The following RPTOR variants were observed in gnomAD, a reference collection of about 807,000 sequenced individuals.
RPTOR encodes the protein regulatory associated protein of MTOR complex 1, also known as regulatory-associated protein of mTOR.
RPTOR carries 21 observed loss-of-function variants against 169.9 expected under a neutral mutation model. The ratio of observed to expected loss-of-function variants is 0.12; its 90% confidence interval spans 0.09 to 0.18. RPTOR has a LOEUF of 0.18. Ranked by LOEUF, RPTOR falls within the 10% of genes least tolerant of loss-of-function variation. The probability of loss-of-function intolerance (pLI) is 1.00; values close to 1 mark genes in which losing one functional copy is unlikely to be tolerated. For synonymous variants in RPTOR, 732 were observed against 753.2 expected, an observed-to-expected ratio of 0.97 and a Z score of 0.46; for missense variants, 1,133 against 1,855.9, an observed-to-expected ratio of 0.61 and a Z score of 7.16.
intron 3 of RPTOR, among the ~76,000 whole-genome samples, chr17:80,665,403 C>A (rs1244787269): frequency 0.015 from 117 of 7,658 alleles, 5 homozygotes; most frequent in Middle Eastern, 0.042. Flanking sequence ...CTTTCCTTTC[C>A]TTTCCTTTCC....
chr17:80,794,694 G>A (rs77248809), intron 7 of RPTOR, among the ~76,000 whole-genome samples: 2 of 152,206 alleles, frequency 1.3e-5, no homozygotes, highest in East Asian at 3.8e-4. Flanking sequence ...TCAGACTGTG[G>A]TGCATCCGTA....
intron 5 of RPTOR, among the ~76,000 whole-genome samples, chr17:80,749,349 C>A (rs1445722869): frequency 1.9e-5 from 1 of 53,804 alleles, no homozygotes; most frequent in Admixed American, 1.8e-4. Context: ...GAGGCCGTGG[C>A]GGGAGGACCT....
At chr17:80,864,960 C>T (rs555779323) in intron 13 of RPTOR, among the ~76,000 whole-genome samples, 3 of 152,204 alleles carry the variant, frequency 2.0e-5, no homozygotes, top group South Asian at 2.1e-4. Context: ...CCCGAGTAGC[C>T]GGGATCACGG....
At chr17:80,914,816 G>A (rs1244375686) in intron 21 of RPTOR, among the ~76,000 whole-genome samples, 4 of 152,260 alleles carry the variant, frequency 2.6e-5, no homozygotes, top group Non-Finnish European at 2.9e-5. Flanking sequence ...ATGATGGCAG[G>A]AGGCAGACAG....
chr17:80,946,682 CTG>C (rs1280663556), intron 26 of RPTOR, among the ~76,000 whole-genome samples: 1 of 152,266 alleles, frequency 6.6e-6, no homozygotes, highest in Non-Finnish European at 1.5e-5. Flanking sequence ...TAATATTCCA[CTG>C]TGTGGATGGA....
chr17:80,832,561 G>T (rs1021754198), intron 9 of RPTOR, among the ~76,000 whole-genome samples: 16 of 152,198 alleles, frequency 1.1e-4, no homozygotes, highest in African/African-American at 3.1e-4. Flanking sequence ...AGTGAGGAGT[G>T]GTTTCAGACG....
chr17:80,953,334 A>G (rs1459403828), intron 28 of RPTOR, among the ~76,000 whole-genome samples: 2 of 152,230 alleles, frequency 1.3e-5, no homozygotes, highest in Non-Finnish European at 2.9e-5. Flanking sequence ...CAGTGGCACC[A>G]TCACGGCTCA....
intron 6 of RPTOR, among the ~76,000 whole-genome samples, chr17:80,784,769 G>T (rs1006978448): frequency 6.6e-6 from 1 of 151,526 alleles, no homozygotes; most frequent in African/African-American, 2.4e-5. Context: ...CGCAATCTCG[G>T]CTCACTGCAA....
intron 2 of RPTOR, among the ~76,000 whole-genome samples, chr17:80,632,224 C>T (rs1230144776): frequency 6.6e-6 from 1 of 152,222 alleles, no homozygotes; most frequent in Non-Finnish European, 1.5e-5. Context: ...TCATCCGTCC[C>T]TCGTCACAGC....
chr17:80,738,413 C>T (rs776601801), intron 5 of RPTOR, among the ~76,000 whole-genome samples: 1 of 152,180 alleles, frequency 6.6e-6, no homozygotes, highest in African/African-American at 2.4e-5. Context: ...TTTGTTGGCA[C>T]CTTTCGTAAC....
chr17:80,894,206 C>T (rs1204759970), intron 20 of RPTOR, among the ~76,000 whole-genome samples: 2 of 152,124 alleles, frequency 1.3e-5, no homozygotes, highest in South Asian at 2.1e-4. Context: ...TGATGCAGAA[C>T]GGTGGTTCTC....
intron 3 of RPTOR, among the ~76,000 whole-genome samples, chr17:80,697,642 G>A (rs928400338): frequency 6.6e-6 from 1 of 152,228 alleles, no homozygotes; most frequent in Admixed American, 6.5e-5. Context: ...GGGCCAAGGA[G>A]CCACCTTGTG....
intron 9 of RPTOR, among the ~76,000 whole-genome samples, chr17:80,837,235 G>C (rs1300335542): frequency 7.2e-5 from 11 of 152,146 alleles, no homozygotes; most frequent in South Asian, 4.1e-4. Flanking sequence ...CTGTGGCTTG[G>C]GGGGAGCAGC....
intron 3 of RPTOR, among the ~76,000 whole-genome samples, chr17:80,669,955 A>G (rs1441507441): frequency 1.3e-5 from 2 of 152,250 alleles, no homozygotes; most frequent in African/African-American, 4.8e-5. Context: ...TATTTGAGAC[A>G]GTCTACAACA....
In RPTOR at chr17:80,722,338, A is replaced by G. The variant is rs189646617; in HGVS notation, c.508-8222A>G. On this transcript the variant is annotated intron_variant, in intron 4 of 33. Coordinates refer to ENST00000306801, the MANE Select transcript of RPTOR (RefSeq NM_020761.3). ...GCAGCTGAACATTTTTGGGACTTCA[A>G]TGTTTAGGCAGTATTTAAAACCAGG... Among the ~76,000 whole-genome samples, 456 of 151,288 alleles carry G rather than the reference A, an allele frequency of 3.0e-3. 35 individuals carry two copies. Among genetic ancestry groups the G allele is most frequent in the African/African-American group, 0.011 (436 of 40,584 alleles).
intron 33 of RPTOR, 72 bp from the exon 34 acceptor site, chr17:80,964,190 C>T: frequency 8.6e-7 from 1 of 1,168,492 alleles, no homozygotes; most frequent in South Asian, 1.2e-5. Flanking sequence ...TGCGGGTTGG[C>T]CTGCGCCCCC....
intron 5 of RPTOR, among the ~76,000 whole-genome samples, chr17:80,749,412 TTGGG>T (rs2066609699): frequency 1.5e-5 from 1 of 65,834 alleles, no homozygotes; most frequent in African/African-American, 5.6e-5. Flanking sequence ...GGAGGACCTG[TTGGG>T]TGGATGGAGG....
At chr17:80,778,178 G>A (rs539360509) in intron 6 of RPTOR, among the ~76,000 whole-genome samples, 30 of 152,228 alleles carry the variant, frequency 2.0e-4, no homozygotes, top group Non-Finnish European at 3.1e-4. Context: ...TTTCTGTGCC[G>A]CAAGGTGCTA....
chr17:80,804,019 T>C (rs1395988307), intron 7 of RPTOR, among the ~76,000 whole-genome samples: 1 of 152,196 alleles, frequency 6.6e-6, no homozygotes, highest in Non-Finnish European at 1.5e-5. Flanking sequence ...CTTCAGTATT[T>C]ATAATTAACA....
Sources: gnomAD v4.1 joint callset for allele counts (sites outside exome capture counted in the v4.1 genomes callset) on GRCh38, gnomAD v4.1.1 for gene constraint, MANE v1.5 for transcripts, NCBI Gene and HGNC (gene_info 2026-07-23, HGNC 2026-07-21) for gene names.